FABP6: variants seen among roughly 807,000 people sequenced by gnomAD.
FABP6 encodes the protein gastrotropin.
A neutral mutation model predicts 14.9 loss-of-function variants in FABP6; 13 were observed. The ratio of observed to expected loss-of-function variants is 0.87; its 90% CI spans 0.57 to 1.39. The LOEUF (loss-of-function observed/expected upper bound fraction) is 1.39. Among genes scored for constraint, FABP6 ranks in the 40% most tolerant of loss-of-function variants. The pLI is 0.00. For missense variants in FABP6, 161 were observed against 167.2 expected, an observed-to-expected ratio of 0.96 and a Z score of 0.20; for synonymous variants, 75 against 63.6, an observed-to-expected ratio of 1.18 and a Z score of -0.85.
At chr5:160,189,708 C>G (rs1438394716) in intron 1 of FABP6, among the ~76,000 whole-genome samples, 1 of 151,948 alleles carries the variant, frequency 6.6e-6, no homozygotes, top group Non-Finnish European at 1.5e-5. Context: ...CCTATCTCTA[C>G]AAAAAATTAA....
At chr5:160,211,304 A>AC (rs759972847) in intron 2 of FABP6, among the ~76,000 whole-genome samples, 33 of 150,570 alleles carry the variant, frequency 2.2e-4, no homozygotes, top group South Asian at 8.6e-4. Context: ...GGCCTCACCC[A>AC]CCCCCAGAGG....
intron 3 of FABP6, among the ~76,000 whole-genome samples, chr5:160,235,721 T>A (rs1411351427): frequency 1.3e-5 from 2 of 152,052 alleles, no homozygotes; most frequent in African/African-American, 4.8e-5. Flanking sequence ...AGGGAAGACA[T>A]GATGAGGGAG....
chr5:160,220,402 G>C (rs896387765), intron 3 of FABP6, among the ~76,000 whole-genome samples: 2 of 152,092 alleles, frequency 1.3e-5, no homozygotes, highest in African/African-American at 4.8e-5. Context: ...TTGAGTCCAG[G>C]AGTTTGTGAC....
chr5:160,199,754 G>A (rs1172303744), intron 2 of FABP6, among the ~76,000 whole-genome samples: 1 of 152,156 alleles, frequency 6.6e-6, no homozygotes, highest in Non-Finnish European at 1.5e-5. Flanking sequence ...GCGCGGGGAG[G>A]GACACAGACG....
At chr5:160,233,148 A>G (rs1760429577) in intron 2 of FABP6, among the ~76,000 whole-genome samples, 1 of 151,290 alleles carries the variant, frequency 6.6e-6, no homozygotes, top group South Asian at 2.1e-4. Context: ...CATCTGGCTA[A>G]TTTTTGTATT....
chr5:160,221,505 A>AC (rs1368403999), intron 3 of FABP6, among the ~76,000 whole-genome samples: 1 of 152,050 alleles, frequency 6.6e-6, no homozygotes, highest in African/African-American at 2.4e-5. Context: ...ACTGTGCCTC[A>AC]CCCCCTAAAC....
intron 3 of FABP6, among the ~76,000 whole-genome samples, chr5:160,220,752 T>G (rs1249754937): frequency 1.3e-5 from 2 of 152,062 alleles, no homozygotes; most frequent in Non-Finnish European, 2.9e-5. Context: ...TTTGATCACA[T>G]CATGTTGTAA....
chr5:160,209,716 C>A (rs1178411905), intron 2 of FABP6, among the ~76,000 whole-genome samples: 1 of 151,676 alleles, frequency 6.6e-6, no homozygotes, highest in Non-Finnish European at 1.5e-5. Flanking sequence ...GTCTTTTTTT[C>A]CTTTTCTTTT....
At chr5:160,231,454 C>T (rs13159714) in intron 1 of FABP6, among the ~76,000 whole-genome samples, 2,839 of 152,288 alleles carry the variant, frequency 0.019, 35 homozygotes, top group Middle Eastern at 0.071. Context: ...ACTGCAGTGG[C>T]GCGATCCCAG....
chr5:160,227,819 C>CGTGTGTGTGTGT (rs763474232), upstream of FABP6, among the ~76,000 whole-genome samples: 393 of 145,644 alleles, frequency 2.7e-3, 3 homozygotes, highest in Middle Eastern at 0.01. Context: ...AAATCCATGA[C>CGTGTGTGTGTGT]GTGTGTGTGT....
intron 2 of FABP6, among the ~76,000 whole-genome samples, chr5:160,233,264 G>A (rs1435701257): frequency 6.6e-6 from 1 of 151,922 alleles, no homozygotes; most frequent in East Asian, 2.0e-4. Context: ...ACAGGTGTGA[G>A]CCACCGTGCC....
exon 2 of FABP6, chr5:160,199,075 T>A: frequency 6.2e-7 from 1 of 1,613,756 alleles, no homozygotes; most frequent in Non-Finnish European, 8.5e-7. Flanking sequence ...TCCAGGGAGC[T>A]CACAGGCAGG....
At position 160,232,147 on chromosome 5, in the gene FABP6, G is replaced by A. The variant is rs115853684; in HGVS notation, c.117G>A (p.Thr39=). 843 of 1,614,040 alleles carry A rather than the reference G, an allele frequency of 5.2e-4. No individual in the cohort carries two copies. Among genetic ancestry groups the A allele is most frequent in the Admixed American group, 7.2e-4 (43 of 60,004 alleles). The part of the protein sequence containing the change: ...IEKARNFKIV[T]EVQQDGQDFT... ...AGGCCCGCAACTTCAAGATCGTCAC[G>A]GAGGTGCAGCAGGATGGGCAGGACT... is the stretch of plus-strand genomic sequence containing the variant. The change falls in exon 2 of 4, where the codon ACG becomes ACA. Residue 39 remains threonine, a synonymous_variant. Transcript: ENST00000402432.
chr5:160,189,306 A>G (rs1259777836), intron 1 of FABP6, among the ~76,000 whole-genome samples: 2 of 152,106 alleles, frequency 1.3e-5, no homozygotes, highest in African/African-American at 2.4e-5. Flanking sequence ...CAATGGCAGG[A>G]TATCGGTTCA....
intron 3 of FABP6, among the ~76,000 whole-genome samples, chr5:160,237,631 C>G (rs1234070318): frequency 2.6e-5 from 4 of 152,130 alleles, no homozygotes; most frequent in Non-Finnish European, 5.9e-5. Flanking sequence ...TCTCCCCCAC[C>G]TTCCATCCAT....
chr5:160,206,735 G>A (rs1759776580), intron 2 of FABP6, among the ~76,000 whole-genome samples: 1 of 152,154 alleles, frequency 6.6e-6, no homozygotes, highest in Non-Finnish European at 1.5e-5. Flanking sequence ...GCTTGGCTAT[G>A]AGCACCCAGG....
At chr5:160,195,774 A>C (rs1759497615) in intron 1 of FABP6, 1 of 152,116 alleles carries the variant, frequency 6.6e-6, no homozygotes, top group Non-Finnish European at 1.5e-5. Context: ...TCTTAGGTCC[A>C]TGAAGGTTCA....
chr5:160,228,062 GA>G (rs1760289727), upstream of FABP6, among the ~76,000 whole-genome samples: 1 of 152,060 alleles, frequency 6.6e-6, no homozygotes, highest in African/African-American at 2.4e-5. Flanking sequence ...GCAAGCCTGG[GA>G]AAAGGAAATA....
intron 2 of FABP6, among the ~76,000 whole-genome samples, chr5:160,206,927 C>A (rs1283600288): frequency 6.6e-6 from 1 of 152,188 alleles, no homozygotes; most frequent in Admixed American, 6.5e-5. Context: ...GCGAAAAAAA[C>A]CTTACTCTCA....
Sources: allele counts gnomAD v4.1 joint callset (sites outside exome capture counted in the v4.1 genomes callset), GRCh38; gene constraint gnomAD v4.1.1; transcripts MANE v1.5; gene names NCBI Gene and HGNC (gene_info 2026-07-23, HGNC 2026-07-21).